TRIM56: variants seen among roughly 807,000 people sequenced by gnomAD.
The protein encoded by TRIM56 is tripartite motif containing 56, also known as E3 ubiquitin-protein ligase TRIM56.
TRIM56 carries 10 observed loss-of-function variants against 17.1 expected under a neutral mutation model. That is an observed-to-expected ratio of 0.58 (90% CI 0.36 to 0.99). TRIM56 has a LOEUF of 0.99. Ranked by LOEUF, TRIM56 falls within the 50% of genes least tolerant of loss-of-function variation. TRIM56 has a pLI of 0.01. For synonymous variants in TRIM56, 503 were observed against 473.5 expected, an observed-to-expected ratio of 1.06 and a Z score of -0.81; for missense variants, 923 against 1,052.3, an observed-to-expected ratio of 0.88 and a Z score of 1.70.
chr7:101,089,681 C>A lies in TRIM56; in HGVS notation c.*101C>A. ...AGGCCGAGGACATTTTCCTGAAGGG[C>A]AGGGGTTGGCAACTTTTCAACATGG... On this transcript the variant is annotated 3_prime_UTR_variant, in exon 3 of 3. Coordinates refer to ENST00000306085, the MANE Select transcript of TRIM56 (RefSeq NM_030961.3). 1 of 1,186,454 alleles carries A rather than the reference C, an allele frequency of 8.4e-7. No homozygotes were observed. The highest frequency in any genetic ancestry group is 1.2e-6 in the Non-Finnish European group (1 of 854,090). 73.5% of individuals were successfully genotyped at this position (1,186,454 alleles called of 1,614,324 possible). A position where few individuals can be genotyped will look rare whatever the true frequency, so the allele number is the denominator to read the frequency against.
chr7:101,088,641 C>T lies in TRIM56; in HGVS notation c.1329C>T (p.Pro443=), dbSNP rs535531625. ...QTLEEDRAQT[P]HEDGGPQPHR... ...TGGAGGAGGACAGGGCCCAGACACC[C>T]CACGAGGATGGAGGACCCCAGCCCC... is the stretch of plus-strand genomic sequence containing the variant. The change falls in exon 3 of 3, where the codon CCC becomes CCT. Residue 443 remains proline, a synonymous_variant. Transcript: ENST00000306085. 4 of 1,614,010 alleles carry T rather than the reference C, an allele frequency of 2.5e-6. No homozygotes were observed. In the East Asian group the frequency reaches 6.7e-5, roughly 27 times the overall value.
In TRIM56 at chr7:101,094,621, T is replaced by A. The variant is rs566272860; in HGVS notation, c.*5041T>A. 1 of 151,894 alleles carries A rather than the reference T, an allele frequency of 6.6e-6. No homozygotes were observed. The highest frequency in any genetic ancestry group is 2.1e-4 in the South Asian group (1 of 4,796). 9.4% of individuals were successfully genotyped at this position (151,894 alleles called of 1,614,324 possible). A position where few individuals can be genotyped will look rare whatever the true frequency, so the allele number is the denominator to read the frequency against. On this transcript the variant is annotated 3_prime_UTR_variant, in exon 3 of 3. Transcript: ENST00000306085. ...GGGGCTCAGCCAGGAGGCAGGGCCA[T>A]TGGGGCAGGGTGGCAGTCCAAGGAA...
rs1795570681 is a variant in TRIM56, at chr7:101,091,834, C to T, written c.*2254C>T. ...CCATGGTCACGGTCTCCCTCTGATGCCGAGCCGAAGCTGGACTGTACTGCT... is the reference window on the plus strand; with the variant it reads ...CCATGGTCACGGTCTCCCTCTGATGTCGAGCCGAAGCTGGACTGTACTGCT... On this transcript the variant is annotated 3_prime_UTR_variant, in exon 3 of 3. Transcript: ENST00000306085. 4 of 401,660 alleles carry T rather than the reference C, an allele frequency of 1.0e-5. No homozygotes were observed. The highest frequency in any genetic ancestry group is 1.9e-5 in the Non-Finnish European group (4 of 207,058). The allele number at this position is 401,660 out of a possible 1,614,324, so 24.9% of individuals were successfully genotyped here. A position where few individuals can be genotyped will look rare whatever the true frequency, so the allele number is the denominator to read the frequency against.
Position 101,089,401 on chromosome 7 carries a change from C to G in TRIM56, c.2089C>G (p.Arg697Gly), listed in dbSNP as rs746322063. ...DKKGYIFLTL[R>G]EVNKVVILDP... The stretch of plus-strand genomic sequence containing the variant: ...GAAGGGCTACATCTTTCTGACCCTT[C>G]GAGAAGTCAACAAGGTGGTGATCCT... Residue 697 changes from arginine to glycine, a missense_variant, in exon 3 of 3, where the codon CGA becomes GGA. Physicochemically the swap from Arg to Gly is moderately radical, Grantham distance 125. Around this residue, in one of 3 missense-constraint regions of TRIM56, gnomAD observed 182 missense variants for 243.1 expected, o/e 0.75. Transcript: ENST00000306085. 6.2e-7 allele frequency: 1 copy of G among 1,613,978 alleles called. No homozygotes were observed. The highest frequency in any genetic ancestry group is 8.5e-7 in the Non-Finnish European group (1 of 1,179,952).
At position 101,087,176 on chromosome 7, in the gene TRIM56, C is replaced by T. The variant is rs1795461709; in HGVS notation, c.-2+8C>T. On this transcript the variant is annotated splice_region_variant and intron_variant, in intron 2 of 2. Coordinates refer to ENST00000306085, the MANE Select transcript of TRIM56 (RefSeq NM_030961.3). ...AAGTTCCTGGCCATTCAGGTGAGAC[C>T]TCAGGTTCCTTCCCGGCCATTTGGG... 2 of 808,518 alleles carry T rather than the reference C, an allele frequency of 2.5e-6. No homozygotes were observed. Among genetic ancestry groups the T allele is most frequent in the East Asian group, 4.9e-5 (2 of 40,820 alleles). The allele number at this position is 808,518 out of a possible 1,614,324, so 50.1% of individuals were successfully genotyped here.
chr7:101,085,601 G>C (rs1562835544), intron 1 of TRIM56, 30 bp downstream of exon 1: 1 of 152,472 alleles, frequency 6.6e-6, no homozygotes, highest in Non-Finnish European at 1.5e-5. Flanking sequence ...ACAGCTATAG[G>C]AAGGACCGAG....
At position 101,091,587 on chromosome 7, in the gene TRIM56, C is replaced by T. The variant is rs1304908582; in HGVS notation, c.*2007C>T. The T allele has an allele frequency of 2.8e-6, 1 of 352,990 alleles. No homozygotes were observed. The highest frequency in any genetic ancestry group is 8.5e-5 in the East Asian group (1 of 11,798). The allele number at this position is 352,990 out of a possible 1,614,324, so 21.9% of individuals were successfully genotyped here. On this transcript the variant is annotated 3_prime_UTR_variant, in exon 3 of 3. Coordinates refer to ENST00000306085, the MANE Select transcript of TRIM56 (RefSeq NM_030961.3). ...ACTAAAAATACAAAAATTAGCTAGG[C>T]GTGGGAGCGGGCGTCTGTAATCCCA...
rs1168421853 is a variant in TRIM56 at position 101,089,427 on chromosome 7, G to A, written c.2115G>A (p.Leu705=). The A allele has an allele frequency of 3.7e-6, 6 of 1,614,158 alleles. No homozygotes were observed. The African/African-American group carries it at 4.0e-5, about 11-fold the overall frequency. ...TLREVNKVVI[L]DPKGSLLGDF... is the part of the protein sequence containing the mutation. ...GAGAAGTCAACAAGGTGGTGATCCT[G>A]GACCCGAAGGGGTCCCTCCTTGGAG... Residue 705 remains leucine (L), a synonymous_variant, in exon 3 of 3, where the codon CTG becomes CTA. Coordinates refer to ENST00000306085, the MANE Select transcript of TRIM56 (RefSeq NM_030961.3).
chr7:101,088,191 G>A lies in TRIM56; in HGVS notation c.879G>A (p.Ala293=), dbSNP rs1041154153. The change falls in exon 3 of 3, where the codon GCG becomes GCA. Residue 293 remains alanine, a synonymous_variant. Transcript: ENST00000306085. ...AAGAAGCTGCTCGGGAGAGGCTGGC[G>A]GAGCTTGAGGGCCGGGAGCAGGTGG... The part of the protein sequence containing the change: ...AAEEAARERL[A]ELEGREQVAR... The A allele has an allele frequency of 3.6e-5, 54 of 1,480,400 alleles. No individual in the cohort carries two copies. The highest frequency in any genetic ancestry group is 1.9e-4 in the Admixed American group (8 of 42,360). The allele number at this position is 1,480,400 out of a possible 1,614,324, so 91.7% of individuals were successfully genotyped here.
intron 2 of TRIM56, 41 bp downstream of exon 2, chr7:101,087,209 C>G: frequency 8.8e-7 from 1 of 1,137,464 alleles, no homozygotes; most frequent in Non-Finnish European, 1.3e-6. Flanking sequence ...GGGTCAGCCC[C>G]TAGCCCTGGG....
Position 101,087,072 on chromosome 7 carries a change from T to TGGAGGAGGAGGAGGA in TRIM56, c.-96_-82dup, listed in dbSNP as rs896684215. Reference sequence around the variant, plus strand: ...CGTTTGCTGGATGTACACACGGAAGTGGAGGAGGAGGAGGAGAAGGAGGAG... The same window carrying TGGAGGAGGAGGAGGA: ...CGTTTGCTGGATGTACACACGGAAGTGGAGGAGGAGGAGGAGGAGGAGGAGGAGGAGAAGGAGGAG... On this transcript the variant is annotated 5_prime_UTR_variant, in exon 2 of 3. Coordinates refer to ENST00000306085, the MANE Select transcript of TRIM56 (RefSeq NM_030961.3). 2 of 538,500 alleles carry TGGAGGAGGAGGAGGA rather than the reference T, an allele frequency of 3.7e-6. No individual in the cohort carries two copies. The highest frequency in any genetic ancestry group is 3.8e-5 in the African/African-American group (2 of 52,584). 33.4% of individuals were successfully genotyped at this position (538,500 alleles called of 1,614,324 possible).
chr7:101,085,491 CT>C lies in TRIM56; in HGVS notation c.-241del. ...AGTACAATTAGTTTCAGTTTTGTTT[CT>C]TTTCCAGGCACCCAGCAACGGCGGC... On this transcript the variant is annotated 5_prime_UTR_variant, in exon 1 of 3. Coordinates refer to ENST00000306085, the MANE Select transcript of TRIM56 (RefSeq NM_030961.3). 1 of 152,622 alleles carries C rather than the reference CT, an allele frequency of 6.6e-6. No homozygotes were observed. Among genetic ancestry groups the C allele is most frequent in the Non-Finnish European group, 1.5e-5 (1 of 68,340 alleles). The allele number at this position is 152,622 out of a possible 1,614,324, so 9.5% of individuals were successfully genotyped here.
In TRIM56 at chr7:101,095,557, T is replaced by A. The variant is rs1221014212; in HGVS notation, c.*5977T>A. The A allele has an allele frequency of 6.6e-6, 1 of 152,164 alleles. No individual in the cohort carries two copies. Among genetic ancestry groups the A allele is most frequent in the Non-Finnish European group, 1.5e-5 (1 of 68,046 alleles). 9.4% of individuals were successfully genotyped at this position (152,164 alleles called of 1,614,324 possible). On this transcript the variant is annotated 3_prime_UTR_variant, in exon 3 of 3. Transcript: ENST00000306085. ...GGCTGGTGAAATGATTCTAGCCACG[T>A]GGCCCACCCAGGGGGCAAAACAATA...
rs905403237 is a variant in TRIM56 at position 101,092,368 on chromosome 7, A to G, written c.*2788A>G. 2 of 163,154 alleles carry G rather than the reference A, an allele frequency of 1.2e-5. No individual in the cohort carries two copies. The highest frequency in any genetic ancestry group is 2.5e-5 in the Non-Finnish European group (2 of 78,736). The allele number at this position is 163,154 out of a possible 1,614,324, so 10.1% of individuals were successfully genotyped here. On this transcript the variant is annotated 3_prime_UTR_variant, in exon 3 of 3. Coordinates refer to ENST00000306085, the MANE Select transcript of TRIM56 (RefSeq NM_030961.3). ...GAGTGTCTCTGCCCGGCTGCCCATC[A>G]TCTGAGATGTGGGGAGCACCTCAGC...
rs558325908 is a variant in TRIM56, at chr7:101,096,539, T to C, written c.*6959T>C. Reference sequence around the variant, plus strand: ...AGCCTCAGTTTGTACATCAGTAACATTGGGATAATGACATCCACATGCCCA... The same window carrying C: ...AGCCTCAGTTTGTACATCAGTAACACTGGGATAATGACATCCACATGCCCA... On this transcript the variant is annotated 3_prime_UTR_variant, in exon 3 of 3. Coordinates refer to ENST00000306085, the MANE Select transcript of TRIM56 (RefSeq NM_030961.3). The C allele has an allele frequency of 2.6e-5, 4 of 152,310 alleles. No individual in the cohort carries two copies. Among genetic ancestry groups the C allele is most frequent in the African/African-American group, 4.8e-5 (2 of 41,550 alleles). 9.4% of individuals were successfully genotyped at this position (152,310 alleles called of 1,614,324 possible).
In TRIM56 at chr7:101,088,492, A is replaced by G. The variant is rs768158552; in HGVS notation, c.1180A>G (p.Ser394Gly). The change falls in exon 3 of 3, where the codon AGC (serine) becomes GGC (glycine). Residue 394 changes from serine (S) to glycine (G), a missense_variant. Physicochemically the swap from Ser to Gly is moderately conservative, Grantham distance 56. Around this residue, in one of 3 missense-constraint regions of TRIM56, gnomAD observed 643 missense variants for 665.6 expected, o/e 0.97. Coordinates refer to ENST00000306085, the MANE Select transcript of TRIM56 (RefSeq NM_030961.3). Reference protein sequence around the residue: ...AGTQGGEESQSRREDEPKTER... With the variant: ...AGTQGGEESQGRREDEPKTER... Reference sequence around the variant, plus strand: ...TACCCAGGGAGGTGAGGAGAGCCAGAGCCGGAGGGAGGATGAGCCGAAGAC... The same window carrying G: ...TACCCAGGGAGGTGAGGAGAGCCAGGGCCGGAGGGAGGATGAGCCGAAGAC... 6.2e-7 allele frequency: 1 copy of G among 1,613,908 alleles called. No individual in the cohort carries two copies. The highest frequency in any genetic ancestry group is 8.5e-7 in the Non-Finnish European group (1 of 1,179,914).
In TRIM56 at chr7:101,097,256, A is replaced by T. The variant is rs1394664539; in HGVS notation, c.*7676A>T. 1 of 152,236 alleles carries T rather than the reference A, an allele frequency of 6.6e-6. No homozygotes were observed. Among genetic ancestry groups the T allele is most frequent in the Non-Finnish European group, 1.5e-5 (1 of 68,058 alleles). The allele number at this position is 152,236 out of a possible 1,614,324, so 9.4% of individuals were successfully genotyped here. A position where few individuals can be genotyped will look rare whatever the true frequency, so the allele number is the denominator to read the frequency against. Reference sequence around the variant, plus strand: ...TTGTCTCTCCTTGAAAGGTAAGCAGAGAACTAGGGCTATCCCATAAATTAA... The same window carrying T: ...TTGTCTCTCCTTGAAAGGTAAGCAGTGAACTAGGGCTATCCCATAAATTAA... On this transcript the variant is annotated 3_prime_UTR_variant, in exon 3 of 3. Coordinates refer to ENST00000306085, the MANE Select transcript of TRIM56 (RefSeq NM_030961.3).
Position 101,089,363 on chromosome 7 carries a change from T to C in TRIM56, c.2051T>C (p.Val684Ala), listed in dbSNP as rs751182100. 1 of 1,611,132 alleles carries C rather than the reference T, an allele frequency of 6.2e-7. No homozygotes were observed. Among genetic ancestry groups the C allele is most frequent in the African/African-American group, 1.3e-5 (1 of 75,004 alleles). ...PGLHGCQPGS[V>A]SVDKKGYIFL... is the part of the protein sequence containing the mutation. ...CTGCATGGCTGCCAGCCGGGCTCCGTGTCTGTGGATAAGAAGGGCTACATC... is the reference window on the plus strand; with the variant it reads ...CTGCATGGCTGCCAGCCGGGCTCCGCGTCTGTGGATAAGAAGGGCTACATC... The change falls in exon 3 of 3, where the codon GTG becomes GCG. Residue 684 changes from valine to alanine, a missense_variant. Coordinates refer to ENST00000306085, the MANE Select transcript of TRIM56 (RefSeq NM_030961.3).
In TRIM56 at chr7:101,087,954, G is replaced by T; in HGVS notation, c.642G>T (p.Pro214=). The T allele has an allele frequency of 6.3e-7, 1 of 1,597,694 alleles. No individual in the cohort carries two copies. Among genetic ancestry groups the T allele is most frequent in the Admixed American group, 1.7e-5 (1 of 58,980 alleles). ...PLAEAVRARR[P]GLEGLLAGVD... ...CTGAAGCTGTGCGTGCCCGGAGGCC[G>T]GGCCTGGAGGGACTGCTGGCCGGTG... The change falls in exon 3 of 3, where the codon CCG becomes CCT. Residue 214 remains proline, a synonymous_variant. Coordinates refer to ENST00000306085, the MANE Select transcript of TRIM56 (RefSeq NM_030961.3).
Sources: allele counts gnomAD v4.1 joint callset, GRCh38; gene constraint gnomAD v4.1.1; regional missense constraint gnomAD v4.1.1; transcripts MANE v1.5; gene names NCBI Gene and HGNC (gene_info 2026-07-23, HGNC 2026-07-21).